The following NDFIP2 variants were observed in gnomAD, a reference collection of about 807,000 sequenced individuals.
NDFIP2 encodes the protein Nedd4 family interacting protein 2, also known as NEDD4 family-interacting protein 2.
A neutral mutation model predicts 36.0 loss-of-function variants in NDFIP2; 19 were observed. The ratio of observed to expected loss-of-function variants is 0.53; its 90% confidence interval spans 0.37 to 0.77. The LOEUF is 0.77. Among genes scored for constraint, NDFIP2 ranks in the 30% least tolerant of loss-of-function variants. NDFIP2 has a pLI of 0.00. For synonymous variants in NDFIP2, 181 were observed against 167.7 expected, an observed-to-expected ratio of 1.08 and a Z score of -0.61; for missense variants, 446 against 435.8, an observed-to-expected ratio of 1.02 and a Z score of -0.21.
At chr13:79,512,481 G>C (rs1202132136) in intron 1 of NDFIP2, among the ~76,000 whole-genome samples, 3 of 152,102 alleles carry the variant, frequency 2.0e-5, no homozygotes, top group Non-Finnish European at 4.4e-5. Context: ...TGCAAAACTG[G>C]TAAGTGAGAA....
intron 2 of NDFIP2, among the ~76,000 whole-genome samples, chr13:79,524,353 AG>A (rs1229628336): frequency 1.3e-5 from 2 of 152,222 alleles, no homozygotes; most frequent in Non-Finnish European, 2.9e-5. Context: ...AGACATCTAC[AG>A]TTTCTGGTTT....
At chr13:79,510,564 C>T (rs1482590319) in intron 1 of NDFIP2, among the ~76,000 whole-genome samples, 1 of 151,856 alleles carries the variant, frequency 6.6e-6, no homozygotes, top group African/African-American at 2.4e-5. Context: ...TACTGCCAAC[C>T]CCACAATGGA....
At chr13:79,501,375 T>G (rs1873659905) in intron 1 of NDFIP2, among the ~76,000 whole-genome samples, 1 of 151,980 alleles carries the variant, frequency 6.6e-6, no homozygotes, top group Non-Finnish European at 1.5e-5. Flanking sequence ...TGGGGGATGT[T>G]GTTAATGGGG....
At chr13:79,529,459 G>A (rs1874926769) in intron 2 of NDFIP2, among the ~76,000 whole-genome samples, 1 of 152,002 alleles carries the variant, frequency 6.6e-6, no homozygotes, top group South Asian at 2.1e-4. Context: ...CAGTTTTAAT[G>A]TTACTGCCTT....
intron 1 of NDFIP2, among the ~76,000 whole-genome samples, chr13:79,500,233 G>C (rs972987625): frequency 6.7e-6 from 1 of 148,754 alleles, no homozygotes; most frequent in Non-Finnish European, 1.5e-5. Context: ...AACTCAAAAT[G>C]GATTACAGAT....
chr13:79,502,343 C>T (rs1019756734), intron 1 of NDFIP2, among the ~76,000 whole-genome samples: 1 of 152,104 alleles, frequency 6.6e-6, no homozygotes, highest in Non-Finnish European at 1.5e-5. Context: ...ATTCTTCTAA[C>T]AGTAACTCTA....
chr13:79,545,526 G>C (rs1470743558), intron 5 of NDFIP2, among the ~76,000 whole-genome samples: 1 of 152,128 alleles, frequency 6.6e-6, no homozygotes, highest in Non-Finnish European at 1.5e-5. Context: ...TGTGTACTAA[G>C]AAGTGTTATA....
At chr13:79,496,321 A>G (rs1470561196) in intron 1 of NDFIP2, among the ~76,000 whole-genome samples, 3 of 151,922 alleles carry the variant, frequency 2.0e-5, no homozygotes, top group Admixed American at 6.6e-5. Context: ...ATCTTAGGGT[A>G]TAGAACTCTT....
chr13:79,532,391 G>T (rs1055548922), intron 2 of NDFIP2, among the ~76,000 whole-genome samples: 2 of 152,200 alleles, frequency 1.3e-5, no homozygotes, highest in African/African-American at 4.8e-5. Context: ...ACAGTGTGGT[G>T]TATGCTACTT....
At chr13:79,549,800 G>A (rs1594861724) in intron 6 of NDFIP2, among the ~76,000 whole-genome samples, 1 of 151,810 alleles carries the variant, frequency 6.6e-6, no homozygotes, top group East Asian at 1.9e-4. Flanking sequence ...TATTATCTTT[G>A]AACAGCATCT....
Position 79,539,689 on chromosome 13 carries a change from A to T in NDFIP2, c.629A>T (p.Glu210Val). The change falls in exon 4 of 8, where the codon GAG (glutamate) becomes GTG (valine). Residue 210 changes from glutamate to valine, a missense_variant. Coordinates refer to ENST00000218652, the MANE Select transcript of NDFIP2 (RefSeq NM_019080.3). ...AAAETSQRIQ[E>V]EECPPRDDFS... ...AATGTTACATATTTACAGATTCAGGAGGAAGAGTGTCCACCAAGAGATGAC... is the reference window on the plus strand; with the variant it reads ...AATGTTACATATTTACAGATTCAGGTGGAAGAGTGTCCACCAAGAGATGAC... 3.1e-6 allele frequency: 5 copies of T among 1,613,134 alleles called. No homozygotes were observed. The highest frequency in any genetic ancestry group is 3.3e-5 in the Admixed American group (2 of 60,010).
At position 79,481,441 on chromosome 13, in the gene NDFIP2, G is replaced by T; in HGVS notation, c.238G>T (p.Gly80Ter). Reference protein sequence around the residue: ...STGVAVGAEHGEDSLSRKPDP... With the variant: ...STGVAVGAEH Reference sequence around the variant, plus strand: ...GGGGGTGGCCGTGGGAGCTGAGCACGGAGAAGACTCCCTCTCTCGGAAGCC... The same window carrying T: ...GGGGGTGGCCGTGGGAGCTGAGCACTGAGAAGACTCCCTCTCTCGGAAGCC... The change falls in exon 1 of 8, where the codon GGA becomes TGA. Residue 80 changes from glycine (G) to a stop codon, truncating the protein, a stop_gained. Transcript: ENST00000218652. LOFTEE classifies it high-confidence loss of function. 6.4e-7 allele frequency: 1 copy of T among 1,562,120 alleles called. No homozygotes were observed. The highest frequency in any genetic ancestry group is 8.7e-7 in the Non-Finnish European group (1 of 1,152,894).
chr13:79,546,837 T>C (rs1238194125), intron 5 of NDFIP2, among the ~76,000 whole-genome samples: 2 of 152,164 alleles, frequency 1.3e-5, no homozygotes, highest in South Asian at 2.1e-4. Context: ...TTTTTGTTCT[T>C]ACAGCCTTTA....
At chr13:79,485,831 C>T (rs1183413995) in intron 1 of NDFIP2, among the ~76,000 whole-genome samples, 1 of 152,100 alleles carries the variant, frequency 6.6e-6, no homozygotes, top group Non-Finnish European at 1.5e-5. Context: ...TCTTTTTGTA[C>T]TTAATCCATT....
chr13:79,552,261 T>G, intron 7 of NDFIP2, among the ~76,000 whole-genome samples: 1 of 151,366 alleles, frequency 6.6e-6, no homozygotes, highest in East Asian at 1.9e-4. Context: ...AAAGGCAAAG[T>G]AATTTTGCTG....
chr13:79,503,492 G>A (rs1238955545), intron 1 of NDFIP2, among the ~76,000 whole-genome samples: 1 of 152,146 alleles, frequency 6.6e-6, no homozygotes, highest in African/African-American at 2.4e-5. Context: ...AGAGGGCCCA[G>A]AGAATAGGCT....
intron 1 of NDFIP2, 23 bp from the exon 2 acceptor site, chr13:79,520,787 T>C: frequency 6.4e-7 from 1 of 1,573,154 alleles, no homozygotes; most frequent in Non-Finnish European, 8.7e-7. Context: ...CATTAATGTT[T>C]TGTTTTTCTT....
chr13:79,499,723 T>G (rs1873582739), intron 1 of NDFIP2, among the ~76,000 whole-genome samples: 1 of 151,862 alleles, frequency 6.6e-6, no homozygotes, highest in Non-Finnish European at 1.5e-5. Context: ...AAAAATCAAC[T>G]AAATAAATGG....
chr13:79,510,199 A>G (rs1290352400), intron 1 of NDFIP2, among the ~76,000 whole-genome samples: 2 of 151,950 alleles, frequency 1.3e-5, no homozygotes, highest in Non-Finnish European at 2.9e-5. Flanking sequence ...TTAAGAGTGT[A>G]CTTTTTTTTT....
Sources: allele counts gnomAD v4.1 joint callset (sites outside exome capture counted in the v4.1 genomes callset), GRCh38; gene constraint gnomAD v4.1.1; transcripts MANE v1.5; gene names NCBI Gene and HGNC (gene_info 2026-07-23, HGNC 2026-07-21).